Variants in EYS observed in about 807,000 individuals in gnomAD.
EYS encodes protein eyes shut homolog.
EYS carries 250 observed loss-of-function variants against 282.1 expected under a neutral mutation model. The ratio of observed to expected loss-of-function variants is 0.89; its 90% confidence interval spans 0.80 to 0.98. EYS has a LOEUF of 0.98. EYS is among the 50% of genes least tolerant of loss of function. The pLI, the probability that EYS is intolerant of heterozygous loss-of-function variation, is 0.00. For synonymous variants in EYS, 1,355 were observed against 1,282.9 expected (o/e 1.06, Z -1.20); for missense variants, 4,016 against 3,709.0 (o/e 1.08, Z -2.15).
chr6:64,630,331 T>G (rs1055070113), intron 22 of EYS, among the ~76,000 whole-genome samples: 1 of 152,144 alleles, frequency 6.6e-6, no homozygotes, highest in African/African-American at 2.4e-5. Context: ...TCTCCTGACC[T>G]CGTGATCCAC....
At chr6:64,802,033 C>CTTTTTTTTT (rs70999173) in intron 22 of EYS, among the ~76,000 whole-genome samples, 4 of 112,670 alleles carry the variant, frequency 3.6e-5, no homozygotes, top group South Asian at 6.0e-4. Flanking sequence ...CTTTTTTTTT[C>CTTTTTTTTT]TTTTTTTTTT....
intron 35 of EYS, among the ~76,000 whole-genome samples, chr6:63,904,336 T>G (rs528643690): frequency 7.2e-5 from 11 of 152,314 alleles, no homozygotes; most frequent in African/African-American, 2.6e-4. Context: ...CCAACCTTTT[T>G]TTTTCTATCT....
intron 18 of EYS, among the ~76,000 whole-genome samples, chr6:64,901,319 C>T (rs922395681): frequency 8.1e-4 from 52 of 64,332 alleles, no homozygotes; most frequent in African/African-American, 3.8e-3. Flanking sequence ...TATATATAGG[C>T]AGATGCCATA....
chr6:63,931,840 A>G (rs1046057282), intron 35 of EYS, among the ~76,000 whole-genome samples: 1 of 152,124 alleles, frequency 6.6e-6, no homozygotes, highest in Non-Finnish European at 1.5e-5. Context: ...AACCACATTT[A>G]CCCTACAGTG....
intron 1 of EYS, among the ~76,000 whole-genome samples, chr6:65,649,896 T>C (rs1284495976): frequency 1.3e-5 from 2 of 152,094 alleles, no homozygotes; most frequent in Non-Finnish European, 2.9e-5. Flanking sequence ...ATACAGAATG[T>C]CAAAAGAGTT....
At chr6:64,394,076 G>C (rs1446641212) in intron 28 of EYS, among the ~76,000 whole-genome samples, 1 of 152,062 alleles carries the variant, frequency 6.6e-6, no homozygotes, top group East Asian at 1.9e-4. Context: ...ACTTACAAGG[G>C]ATGTGAAGGA....
chr6:64,413,800 C>A (rs1382690694), intron 28 of EYS, among the ~76,000 whole-genome samples: 1 of 152,066 alleles, frequency 6.6e-6, no homozygotes, highest in Non-Finnish European at 1.5e-5. Flanking sequence ...TGTGTCTTCC[C>A]AAATTCATAT....
At chr6:64,283,289 C>G (rs997960229) in intron 30 of EYS, among the ~76,000 whole-genome samples, 1 of 152,108 alleles carries the variant, frequency 6.6e-6, no homozygotes, top group African/African-American at 2.4e-5. Flanking sequence ...TTAGGCAGGT[C>G]AGAATCAATA....
intron 24 of EYS, 110 bp from the exon 25 acceptor site, chr6:64,593,419 G>T: frequency 3.0e-6 from 2 of 674,072 alleles, no homozygotes; most frequent in Non-Finnish European, 4.6e-6. Context: ...ATATTGGATA[G>T]CTCAAATAAA....
chr6:65,116,499 A>G (rs1448117826), intron 12 of EYS, among the ~76,000 whole-genome samples: 1 of 152,100 alleles, frequency 6.6e-6, no homozygotes, highest in African/African-American at 2.4e-5. Flanking sequence ...AAGCCTGTAC[A>G]GAATGAGACA....
intron 29 of EYS, among the ~76,000 whole-genome samples, chr6:64,336,789 G>C (rs1258908943): frequency 2.0e-5 from 3 of 152,028 alleles, no homozygotes; most frequent in Non-Finnish European, 2.9e-5. Context: ...TCAGATCACA[G>C]TGGAATAAAA....
intron 36 of EYS, among the ~76,000 whole-genome samples, chr6:63,828,044 A>T (rs1279028026): frequency 1.3e-5 from 2 of 152,170 alleles, no homozygotes; most frequent in African/African-American, 4.8e-5. Context: ...GAACTGAATG[A>T]CAATAGTGAT....
intron 22 of EYS, among the ~76,000 whole-genome samples, chr6:64,707,658 C>T (rs1490346851): frequency 2.5e-5 from 2 of 81,250 alleles, no homozygotes; most frequent in African/African-American, 9.8e-5. Flanking sequence ...GAGTGAGACT[C>T]GTATCAAAAA....
At chr6:63,944,708 C>G (rs562625441) in intron 35 of EYS, among the ~76,000 whole-genome samples, 5 of 152,054 alleles carry the variant, frequency 3.3e-5, no homozygotes, top group African/African-American at 1.2e-4. Context: ...GTGGGTGGAT[C>G]ACTTGAGGTC....
At chr6:65,017,659 A>T (rs1459877832) in intron 13 of EYS, among the ~76,000 whole-genome samples, 2 of 152,214 alleles carry the variant, frequency 1.3e-5, no homozygotes, top group Non-Finnish European at 2.9e-5. Flanking sequence ...GTCTGTGCTC[A>T]TGAAGGAACA....
intron 10 of EYS, among the ~76,000 whole-genome samples, chr6:65,337,699 T>G (rs1770042023): frequency 6.6e-6 from 1 of 151,064 alleles, no homozygotes; most frequent in Non-Finnish European, 1.5e-5. Flanking sequence ...TAAGCCGTAT[T>G]CAAAATTTGT....
At chr6:64,206,234 A>G (rs1440392589) in intron 31 of EYS, among the ~76,000 whole-genome samples, 4 of 152,182 alleles carry the variant, frequency 2.6e-5, no homozygotes, top group African/African-American at 9.6e-5. Context: ...AGTTATTGGT[A>G]TAATTCTTCT....
At chr6:63,826,926 A>T (rs1771485203) in intron 36 of EYS, among the ~76,000 whole-genome samples, 1 of 152,042 alleles carries the variant, frequency 6.6e-6, no homozygotes, top group African/African-American at 2.4e-5. Context: ...AGGCTACCTC[A>T]TATTTCAATA....
Position 65,199,217 on chromosome 6 carries a change from A to G in EYS, c.2023+96646T>C, listed in dbSNP as rs140079042. ...TTTTTATAAATTATCCTTTTAGCAT[A>G]TAATATAAATATTTGTGTAACCATG... is the stretch of plus-strand genomic sequence containing the variant. On this transcript the variant is annotated intron_variant, in intron 12 of 42. Transcript: ENST00000503581. Among the ~76,000 whole-genome samples, 1,171 of 152,256 alleles carry G rather than the reference A, an allele frequency of 7.7e-3. 28 individuals carry two copies. The highest frequency in any genetic ancestry group is 8.4e-3 in the Non-Finnish European group (572 of 68,010).
Sources: allele counts gnomAD v4.1 joint callset (sites outside exome capture counted in the v4.1 genomes callset), GRCh38; gene constraint gnomAD v4.1.1; transcripts MANE v1.5; gene names NCBI Gene and HGNC (gene_info 2026-07-23, HGNC 2026-07-21).